The following EYS variants were observed in gnomAD, a reference collection of about 807,000 sequenced individuals.
EYS encodes EGF-like photoreceptor maintenance factor.
EYS carries 250 observed loss-of-function variants against 282.1 expected under a neutral mutation model. That is an observed-to-expected ratio of 0.89 (90% CI 0.80 to 0.98). The LOEUF is 0.98. EYS is among the 50% of genes least tolerant of loss of function. EYS has a pLI of 0.00. For missense variants in EYS, 4,016 were observed against 3,709.0 expected (o/e 1.08, Z -2.15); for synonymous variants, 1,355 against 1,282.9 (o/e 1.06, Z -1.20).
chr6:64,392,422 A>G (rs1269232866), intron 28 of EYS, among the ~76,000 whole-genome samples: 1 of 150,528 alleles, frequency 6.6e-6, no homozygotes, highest in South Asian at 2.1e-4. Flanking sequence ...ATTATAACAA[A>G]CTATCTCTCA....
At chr6:64,730,919 G>A (rs1275659461) in intron 22 of EYS, 1 of 151,962 alleles carries the variant, frequency 6.6e-6, no homozygotes, top group Admixed American at 6.6e-5. Flanking sequence ...ATTCATTTGG[G>A]GCAGGCAATT....
In EYS at chr6:65,493,679, A is replaced by AT. The variant is rs536628139; in HGVS notation, c.748+983dup. Among the ~76,000 whole-genome samples, 518 of 151,374 alleles carry AT rather than the reference A, an allele frequency of 3.4e-3. 3 individuals are homozygous for AT. The highest frequency in any genetic ancestry group is 5.3e-3 in the Admixed American group (80 of 15,174). ...GTTAGCCTCAGGCAGCATCATTTAC[A>AT]TTTTTTTTTAGATTGCCTTTCCTCT... On this transcript the variant is annotated intron_variant, in intron 4 of 42. Transcript: ENST00000503581.
rs1015773578 is a variant in EYS at position 64,826,337 on chromosome 6, G to A, written c.2993-3515C>T. Among the ~76,000 whole-genome samples, 4 of 151,958 alleles carry A rather than the reference G, an allele frequency of 2.6e-5. No individual in the cohort carries two copies. In the East Asian group the frequency reaches 7.8e-4, roughly 30 times the overall value. On this transcript the variant is annotated intron_variant, in intron 19 of 42. Coordinates refer to ENST00000503581, the MANE Select transcript of EYS (RefSeq NM_001142800.2). ...CACCTACCCTCCTGCCTGCTTTGGA[G>A]CTACAGCAATAGTTTATGTTTGAAA...
At position 65,425,695 on chromosome 6, in the gene EYS, T is replaced by C. The variant is rs114668402; in HGVS notation, c.863-20328A>G. 5.9e-3 allele frequency among the ~76,000 whole-genome samples: 903 copies of C among 152,224 alleles called. 15 individuals carry two copies. The highest frequency in any genetic ancestry group is 0.021 in the African/African-American group (857 of 41,564). On this transcript the variant is annotated intron_variant, in intron 5 of 42. Coordinates refer to ENST00000503581, the MANE Select transcript of EYS (RefSeq NM_001142800.2). The stretch of plus-strand genomic sequence containing the variant: ...CAGAGGCTAAGAATCCTTTTATTAC[T>C]CATAAAATTTTGGCTTTGATGGACA...
chr6:64,681,671 A>G (rs1006527827), intron 22 of EYS, among the ~76,000 whole-genome samples: 1 of 152,142 alleles, frequency 6.6e-6, no homozygotes, highest in Admixed American at 6.5e-5. Flanking sequence ...AGGCGGGCGC[A>G]TCACAAGGTC....
chr6:65,468,939 T>C (rs1765106248), intron 5 of EYS, among the ~76,000 whole-genome samples: 1 of 152,110 alleles, frequency 6.6e-6, no homozygotes. Flanking sequence ...TTTTAATATT[T>C]TATGTAGTCT....
At chr6:64,391,855 T>C (rs1302523784) in intron 28 of EYS, among the ~76,000 whole-genome samples, 1 of 152,180 alleles carries the variant, frequency 6.6e-6, no homozygotes. Context: ...GTCAAGTCCC[T>C]TCAGTGTGCT....
chr6:65,415,565 G>C (rs1450823106), intron 5 of EYS, among the ~76,000 whole-genome samples: 1 of 151,988 alleles, frequency 6.6e-6, no homozygotes, highest in Non-Finnish European at 1.5e-5. Context: ...AAGGTAGAGT[G>C]ACACATGGAA....
chr6:65,579,296 T>A (rs112472216), intron 2 of EYS, among the ~76,000 whole-genome samples: 1 of 152,060 alleles, frequency 6.6e-6, no homozygotes, highest in Non-Finnish European at 1.5e-5. Flanking sequence ...TTTATAGACA[T>A]TGAAATACAA....
chr6:64,144,498 G>A (rs1365680595), intron 31 of EYS, among the ~76,000 whole-genome samples: 3 of 152,134 alleles, frequency 2.0e-5, no homozygotes, highest in Non-Finnish European at 4.4e-5. Flanking sequence ...GAGTGTGCTT[G>A]GAGGCAGGCA....
intron 22 of EYS, among the ~76,000 whole-genome samples, chr6:64,667,414 G>A (rs963703870): frequency 2.0e-5 from 3 of 151,790 alleles, no homozygotes; most frequent in African/African-American, 4.8e-5. Context: ...TGGACACAAC[G>A]TGCAGATGGC....
intron 22 of EYS, among the ~76,000 whole-genome samples, chr6:64,687,853 A>G (rs1415708147): frequency 5.3e-5 from 8 of 151,854 alleles, no homozygotes; most frequent in Non-Finnish European, 1.2e-4. Context: ...CTGGTCCTGG[A>G]ATTTTTTTTG....
chr6:64,790,476 C>T (rs765256217), intron 22 of EYS, among the ~76,000 whole-genome samples: 6 of 151,596 alleles, frequency 4.0e-5, no homozygotes, highest in East Asian at 1.9e-4. Flanking sequence ...AGCAATCACC[C>T]GATAAGATAC....
chr6:64,944,199 A>C (rs528883459), intron 15 of EYS, among the ~76,000 whole-genome samples: 39 of 152,104 alleles, frequency 2.6e-4, no homozygotes, highest in Admixed American at 6.6e-4. Flanking sequence ...CTTACCTTTT[A>C]CTATACACAG....
Position 65,097,802 on chromosome 6 carries a change from TAA to T in EYS, c.2024-40077_2024-40076del, listed in dbSNP as rs145088973. 6.7e-4 allele frequency among the ~76,000 whole-genome samples: 95 copies of T among 141,332 alleles called. 2 individuals are homozygous for T. The highest frequency in any genetic ancestry group is 2.4e-3 in the African/African-American group (94 of 39,658). 92.7% of individuals were successfully genotyped at this position (141,332 alleles called of 152,430 possible). A position where few individuals can be genotyped will look rare whatever the true frequency, so the allele number is the denominator to read the frequency against. ...CTAATAGGAAGTACCTAAAATAAAA[TAA>T]AAAAAAAAACAAAGTACAATAGTGA... On this transcript the variant is annotated intron_variant, in intron 12 of 42. Coordinates refer to ENST00000503581, the MANE Select transcript of EYS (RefSeq NM_001142800.2).
chr6:63,969,815 A>G (rs1215811651), intron 35 of EYS, among the ~76,000 whole-genome samples: 1 of 152,180 alleles, frequency 6.6e-6, no homozygotes, highest in East Asian at 1.9e-4. Flanking sequence ...AAAGCATTAC[A>G]ACAACTTTTG....
intron 18 of EYS, among the ~76,000 whole-genome samples, chr6:64,901,215 G>C (rs1428037038): frequency 6.7e-6 from 1 of 149,322 alleles, no homozygotes; most frequent in Non-Finnish European, 1.5e-5. Context: ...ACAGGGAGGG[G>C]AACATCACAT....
At chr6:64,834,646 C>A (rs886808163) in intron 19 of EYS, among the ~76,000 whole-genome samples, 1 of 151,682 alleles carries the variant, frequency 6.6e-6, no homozygotes, top group Non-Finnish European at 1.5e-5. Flanking sequence ...AAGTTATAGG[C>A]AAAGGCAATG....
intron 12 of EYS, among the ~76,000 whole-genome samples, chr6:65,132,623 G>A (rs2150203358): frequency 6.6e-6 from 1 of 152,078 alleles, no homozygotes; most frequent in Non-Finnish European, 1.5e-5. Flanking sequence ...GACAAAAGCT[G>A]TAAGCATTCC....
Sources: allele counts gnomAD v4.1 joint callset (sites outside exome capture counted in the v4.1 genomes callset), GRCh38; gene constraint gnomAD v4.1.1; transcripts MANE v1.5; gene names NCBI Gene and HGNC (gene_info 2026-07-23, HGNC 2026-07-21).